Variants in MEDAG observed in about 807,000 individuals in gnomAD.
MEDAG encodes the protein mesenteric estrogen-dependent adipogenesis protein.
In MEDAG, 25 loss-of-function variants were observed where a neutral mutation model predicts 29.9. The ratio of observed to expected loss-of-function variants is 0.84; its 90% CI spans 0.61 to 1.17. The LOEUF (loss-of-function observed/expected upper bound fraction) is 1.17, where lower values mean the gene tolerates loss of function less well. MEDAG is among the 50% of genes most tolerant of loss of function. MEDAG has a pLI of 0.00. For synonymous variants in MEDAG, 158 were observed against 148.2 expected (o/e 1.07, Z -0.48); for missense variants, 398 against 372.9 (o/e 1.07, Z -0.56).
intron 4 of MEDAG, 74 bp from the exon 5 acceptor site, chr13:30,924,237 A>T: frequency 6.9e-7 from 1 of 1,443,186 alleles, no homozygotes; most frequent in Non-Finnish European, 9.4e-7. Flanking sequence ...AGGTTGCATG[A>T]ATTTGAAAGG....
chr13:30,915,887 T>C (rs911374561), intron 1 of MEDAG, among the ~76,000 whole-genome samples: 8 of 152,038 alleles, frequency 5.3e-5, no homozygotes, highest in Admixed American at 3.3e-4. Flanking sequence ...ACCCACTCCG[T>C]GAGCATCAAC....
chr13:30,906,655 C>T lies in MEDAG; in HGVS notation c.140C>T (p.Ala47Val). 6.4e-7 allele frequency: 1 copy of T among 1,569,324 alleles called. No individual in the cohort carries two copies. Among genetic ancestry groups the T allele is most frequent in the East Asian group, 2.3e-5 (1 of 42,776 alleles). Reference protein sequence around the residue: ...LAQLLRLQPGAFQLSGDQLVV... With the variant: ...LAQLLRLQPGVFQLSGDQLVV... ...CAGCTGCTGCGCCTGCAGCCCGGTG[C>T]CTTCCAGCTGAGCGGCGACCAGCTC... Residue 47 changes from alanine (A) to valine (V), a missense_variant, in exon 1 of 5, where the codon GCC becomes GTC. By Grantham distance (64) the Ala-to-Val change is moderately conservative. Transcript: ENST00000380482.
chr13:30,909,458 G>A (rs1327235762), intron 1 of MEDAG, among the ~76,000 whole-genome samples: 2 of 152,070 alleles, frequency 1.3e-5, no homozygotes, highest in Non-Finnish European at 2.9e-5. Flanking sequence ...CCTTGGATGT[G>A]GGATGGCCTC....
Position 30,921,217 on chromosome 13 carries a change from T to A in MEDAG, c.501+91T>A. ...GGAACTGAGGCCCTATTGCCCTGGC[T>A]TAGGCCAAGAGAATGGCCCTTAGAA... On this transcript the variant is annotated intron_variant, in intron 3 of 4. Transcript: ENST00000380482. 9.9e-6 allele frequency: 11 copies of A among 1,114,362 alleles called. No individual in the cohort carries two copies. In the South Asian group the frequency reaches 1.1e-4, roughly 11 times the overall value. The allele number at this position is 1,114,362 out of a possible 1,614,324, so 69.0% of individuals were successfully genotyped here.
intron 2 of MEDAG, 150 bp downstream of exon 2, chr13:30,917,662 T>C: frequency 1.7e-6 from 1 of 598,408 alleles, no homozygotes; most frequent in South Asian, 2.0e-5. Context: ...CTTACAATCA[T>C]GGTGGAAGGC....
intron 1 of MEDAG, among the ~76,000 whole-genome samples, chr13:30,915,396 A>G (rs925293777): frequency 2.6e-5 from 4 of 152,208 alleles, no homozygotes; most frequent in African/African-American, 9.7e-5. Flanking sequence ...GCCTCCGTCC[A>G]CTGTCCCCTT....
chr13:30,917,365 G>T (rs1191029863), intron 1 of MEDAG, 38 bp from the exon 2 acceptor site: 1 of 1,177,534 alleles, frequency 8.5e-7, no homozygotes, highest in African/African-American at 1.5e-5. Flanking sequence ...TAGATGAAAG[G>T]GTACGTTACA....
At position 30,915,830 on chromosome 13, in the gene MEDAG, G is replaced by A. The variant is rs9576243; in HGVS notation, c.279-1573G>A. On this transcript the variant is annotated intron_variant, in intron 1 of 4. Coordinates refer to ENST00000380482, the MANE Select transcript of MEDAG (RefSeq NM_032849.4). ...TAACACCCCAGCGCCCCACCCCAGCGCCCCTCCTCCATTCCCATCGTCCTC... is the reference window on the plus strand; with the variant it reads ...TAACACCCCAGCGCCCCACCCCAGCACCCCTCCTCCATTCCCATCGTCCTC... Among the ~76,000 whole-genome samples the A allele has an allele frequency of 4.0e-5, 6 of 151,860 alleles. No individual in the cohort carries two copies. In the South Asian group the frequency reaches 6.3e-4, roughly 16 times the overall value.
At chr13:30,919,049 A>T (rs906010463) in intron 2 of MEDAG, among the ~76,000 whole-genome samples, 1 of 152,186 alleles carries the variant, frequency 6.6e-6, no homozygotes, top group Non-Finnish European at 1.5e-5. Context: ...TACAAGGAGG[A>T]ATTTGTAGGT....
rs193116475 is a variant in MEDAG at position 30,906,918 on chromosome 13, T to C, written c.278+125T>C. On this transcript the variant is annotated intron_variant, in intron 1 of 4. Transcript: ENST00000380482. ...CGACACCGCGTGGCCCCTTGCTCCGTGCGCTTCTAGACTTTCCTTCTGCTT... is the reference window on the plus strand; with the variant it reads ...CGACACCGCGTGGCCCCTTGCTCCGCGCGCTTCTAGACTTTCCTTCTGCTT... The C allele has an allele frequency of 1.2e-4, 118 of 1,009,974 alleles. No individual in the cohort carries two copies. In the Middle Eastern group the frequency reaches 1.6e-3, roughly 14 times the overall value. The allele number at this position is 1,009,974 out of a possible 1,614,324, so 62.6% of individuals were successfully genotyped here.
At chr13:30,918,774 C>T (rs1206995935) in intron 2 of MEDAG, among the ~76,000 whole-genome samples, 2 of 152,228 alleles carry the variant, frequency 1.3e-5, no homozygotes, top group African/African-American at 4.8e-5. Context: ...GGAGCTCTCT[C>T]TGCTCATTTG....
At chr13:30,910,619 G>A (rs1199519444) in intron 1 of MEDAG, among the ~76,000 whole-genome samples, 1 of 152,236 alleles carries the variant, frequency 6.6e-6, no homozygotes, top group East Asian at 1.9e-4. Context: ...CTGGAATTAT[G>A]TCAGCTAGTG....
At chr13:30,913,209 G>C (rs560524767) in intron 1 of MEDAG, among the ~76,000 whole-genome samples, 3 of 152,178 alleles carry the variant, frequency 2.0e-5, no homozygotes, top group East Asian at 1.9e-4. Flanking sequence ...TTGGCTGGTT[G>C]CTTTGGGTTG....
chr13:30,906,785 C>A lies in MEDAG; in HGVS notation c.270C>A (p.Tyr90Ter). 1.3e-6 allele frequency: 2 copies of A among 1,494,584 alleles called. No individual in the cohort carries two copies. The highest frequency in any genetic ancestry group is 1.8e-6 in the Non-Finnish European group (2 of 1,132,502). 92.6% of individuals were successfully genotyped at this position (1,494,584 alleles called of 1,614,324 possible). The change falls in exon 1 of 5, where the codon TAC (tyrosine) becomes TAA (stop). Residue 90 changes from tyrosine to a stop codon, truncating the protein, a stop_gained. Transcript: ENST00000380482. LOFTEE classifies it high-confidence loss of function. ...LDGQLYRLSSYIKRYVELTNY... is the reference protein window; with the variant it reads ...LDGQLYRLSS ...GGCAGCTCTACCGCCTCAGCAGCTA[C>A]ATCAAGAGGTGGGTGGCCTCGCCGT... is the stretch of plus-strand genomic sequence containing the variant.
intron 1 of MEDAG, among the ~76,000 whole-genome samples, chr13:30,909,618 A>G (rs777376096): frequency 2.0e-5 from 3 of 152,208 alleles, no homozygotes; most frequent in Non-Finnish European, 2.9e-5. Context: ...CAGGATGTTC[A>G]TGAGATACTT....
Position 30,924,772 on chromosome 13 carries a change from T to G in MEDAG, c.*337T>G. On this transcript the variant is annotated 3_prime_UTR_variant, in exon 5 of 5. Coordinates refer to ENST00000380482, the MANE Select transcript of MEDAG (RefSeq NM_032849.4). ...CTGCCACCCTGAACATTTTTCTCAG[T>G]TCCCTGGGAGTTTTTGTGGCAGCCT... The G allele has an allele frequency of 5.7e-6, 1 of 175,454 alleles. No individual in the cohort carries two copies. The highest frequency in any genetic ancestry group is 1.2e-5 in the Non-Finnish European group (1 of 83,708). The allele number at this position is 175,454 out of a possible 1,614,324, so 10.9% of individuals were successfully genotyped here.
chr13:30,917,807 C>A (rs771534513), intron 2 of MEDAG, among the ~76,000 whole-genome samples: 1 of 152,170 alleles, frequency 6.6e-6, no homozygotes, highest in Non-Finnish European at 1.5e-5. Flanking sequence ...AAAATTCACT[C>A]CCATGATCCA....
rs771067374 is a variant in MEDAG, at chr13:30,906,573, G to A, written c.58G>A (p.Gly20Arg). 1.3e-6 allele frequency: 2 copies of A among 1,583,248 alleles called. No individual in the cohort carries two copies. Among genetic ancestry groups the A allele is most frequent in the South Asian group, 2.3e-5 (2 of 88,684 alleles). ...GCCGAGCCTGACCTCCATCTCGTCT[G>A]GGGAGCTTCGCAGCCTGTGGACCTG... ...ARPSLTSISS[G>R]ELRSLWTCDC... Residue 20 changes from glycine to arginine, a missense_variant, in exon 1 of 5, where the codon GGG becomes AGG. By Grantham distance (125) the Gly-to-Arg change is moderately radical (BLOSUM62 -2). Coordinates refer to ENST00000380482, the MANE Select transcript of MEDAG (RefSeq NM_032849.4).
At position 30,906,716 on chromosome 13, in the gene MEDAG, G is replaced by T. The variant is rs762523878; in HGVS notation, c.201G>T (p.Arg67=). 2.0e-6 allele frequency: 3 copies of T among 1,518,008 alleles called. No individual in the cohort carries two copies. Among genetic ancestry groups the T allele is most frequent in the Non-Finnish European group, 2.6e-6 (3 of 1,141,946 alleles). The allele number at this position is 1,518,008 out of a possible 1,614,324, so 94.0% of individuals were successfully genotyped here. ...GGCCCGGGGAGCCGGCGGCGGCGCG[G>T]GGGGGCTTCAACGTCTTCGGTGACG... The part of the protein sequence containing the change: ...VARPGEPAAA[R]GGFNVFGDGL... The change falls in exon 1 of 5, where the codon CGG becomes CGT. Residue 67 remains arginine, a synonymous_variant. Transcript: ENST00000380482.
Sources: allele counts gnomAD v4.1 joint callset (sites outside exome capture counted in the v4.1 genomes callset), GRCh38; gene constraint gnomAD v4.1.1; transcripts MANE v1.5; gene names NCBI Gene and HGNC (gene_info 2026-07-23, HGNC 2026-07-21).